Variants in KCNQ5 observed in about 807,000 individuals in gnomAD.
KCNQ5 encodes potassium voltage-gated channel subfamily KQT member 5.
In KCNQ5, 30 loss-of-function variants were observed where a neutral mutation model predicts 98.2. The observed-to-expected ratio is 0.31, with a 90% confidence interval of 0.23 to 0.41. KCNQ5 has a LOEUF of 0.41. Among genes scored for constraint, KCNQ5 ranks in the 10% least tolerant of loss-of-function variants. The pLI, the probability that KCNQ5 is intolerant of heterozygous loss-of-function variation, is 1.00. For synonymous variants in KCNQ5, 458 were observed against 449.4 expected (o/e 1.02, Z -0.24); for missense variants, 835 against 1,182.5 (o/e 0.71, Z 4.31).
chr6:72,757,066 G>A (rs1358455781), intron 1 of KCNQ5, among the ~76,000 whole-genome samples: 3 of 151,994 alleles, frequency 2.0e-5, no homozygotes, highest in African/African-American at 4.8e-5. Flanking sequence ...TGATGCCCAC[G>A]AAATAATTTC....
chr6:73,159,173 A>C (rs988633818), intron 10 of KCNQ5, among the ~76,000 whole-genome samples: 1 of 152,260 alleles, frequency 6.6e-6, no homozygotes, highest in African/African-American at 2.4e-5. Flanking sequence ...GTCATAAAAC[A>C]GAATGAGATC....
At chr6:72,802,612 C>T (rs1774720272) in intron 1 of KCNQ5, among the ~76,000 whole-genome samples, 1 of 152,092 alleles carries the variant, frequency 6.6e-6, no homozygotes, top group African/African-American at 2.4e-5. Flanking sequence ...ATTTTGGTAA[C>T]ATAGATCGTA....
At chr6:73,057,354 T>A (rs969242196) in intron 3 of KCNQ5, among the ~76,000 whole-genome samples, 3 of 150,508 alleles carry the variant, frequency 2.0e-5, no homozygotes, top group Non-Finnish European at 4.4e-5. Flanking sequence ...GGGGGAGGGA[T>A]AGCATTAGGA....
chr6:72,735,768 C>T (rs6923028), intron 1 of KCNQ5, among the ~76,000 whole-genome samples: 1 of 151,390 alleles, frequency 6.6e-6, no homozygotes, highest in East Asian at 1.9e-4. Context: ...TAAATGTAGT[C>T]ATTTTAGATG....
In KCNQ5 at chr6:73,198,457, G is replaced by A. The variant is rs971346928; in HGVS notation, c.*3043G>A. The stretch of plus-strand genomic sequence containing the variant: ...TTGCAAGTAAAATAAGTCTACTAGA[G>A]AGGAGGAAATCAGGCACAAATTGAC... On this transcript the variant is annotated 3_prime_UTR_variant, in exon 14 of 14. Transcript: ENST00000370398. 2.0e-5 allele frequency: 3 copies of A among 152,186 alleles called. No homozygotes were observed. Among genetic ancestry groups the A allele is most frequent in the African/African-American group, 7.2e-5 (3 of 41,434 alleles). The allele number at this position is 152,186 out of a possible 1,614,324, so 9.4% of individuals were successfully genotyped here. A position where few individuals can be genotyped will look rare whatever the true frequency, so the allele number is the denominator to read the frequency against.
At chr6:73,055,260 C>T (rs1772427562) in intron 3 of KCNQ5, 6 of 1,315,108 alleles carry the variant, frequency 4.6e-6, no homozygotes, top group Non-Finnish European at 6.6e-6. Flanking sequence ...TGCTTCACCT[C>T]ATTGCAGAAG....
chr6:72,643,173 C>T (rs539728942), intron 1 of KCNQ5, among the ~76,000 whole-genome samples: 27 of 152,028 alleles, frequency 1.8e-4, no homozygotes, highest in Non-Finnish European at 3.5e-4. Context: ...GGCTTAGTAC[C>T]TGGGTAACAA....
chr6:73,101,567 C>G (rs1774775083), intron 5 of KCNQ5, among the ~76,000 whole-genome samples: 1 of 151,992 alleles, frequency 6.6e-6, no homozygotes, highest in African/African-American at 2.4e-5. Flanking sequence ...TTGCAGAATA[C>G]AAAATAAAAT....
At chr6:73,169,243 G>T (rs564714947) in intron 10 of KCNQ5, among the ~76,000 whole-genome samples, 1 of 152,234 alleles carries the variant, frequency 6.6e-6, no homozygotes, top group African/African-American at 2.4e-5. Context: ...CTCTTTCCTG[G>T]CTGCCTGTAT....
At chr6:72,665,359 AAT>A (rs1174413360) in intron 1 of KCNQ5, among the ~76,000 whole-genome samples, 1 of 151,562 alleles carries the variant, frequency 6.6e-6, no homozygotes, top group Middle Eastern at 3.2e-3. Flanking sequence ...AAAAAAAAAA[AAT>A]CTCAGTTTTA....
intron 1 of KCNQ5, among the ~76,000 whole-genome samples, chr6:72,930,897 TG>T (rs533018605): frequency 1.3e-5 from 2 of 152,308 alleles, no homozygotes; most frequent in South Asian, 4.1e-4. Context: ...AAAAGACACT[TG>T]GGAATCAATG....
intron 1 of KCNQ5, among the ~76,000 whole-genome samples, chr6:72,755,284 C>T (rs768064151): frequency 1.4e-4 from 21 of 151,918 alleles, no homozygotes; most frequent in Middle Eastern, 3.5e-3. Context: ...GTTGGGACTT[C>T]CTTTAATTTA....
At chr6:73,111,450 G>A (rs755915115) in intron 7 of KCNQ5, 47 bp downstream of exon 7, 1 of 1,203,168 alleles carries the variant, frequency 8.3e-7, no homozygotes, top group South Asian at 1.3e-5. Flanking sequence ...TGTCCATAGT[G>A]CTTGATGGGT....
At chr6:72,899,071 T>C (rs1779371892) in intron 1 of KCNQ5, among the ~76,000 whole-genome samples, 1 of 152,228 alleles carries the variant, frequency 6.6e-6, no homozygotes, top group Non-Finnish European at 1.5e-5. Flanking sequence ...AAATTCTGTA[T>C]ATTAGACCTT....
chr6:73,097,356 T>A (rs1774556097), intron 5 of KCNQ5, among the ~76,000 whole-genome samples: 1 of 151,878 alleles, frequency 6.6e-6, no homozygotes. Context: ...TTGCAGATCA[T>A]CTCATGAGAT....
At chr6:73,089,322 G>A (rs1200599736) in intron 5 of KCNQ5, among the ~76,000 whole-genome samples, 2 of 152,186 alleles carry the variant, frequency 1.3e-5, no homozygotes, top group African/African-American at 4.8e-5. Flanking sequence ...AGTTGGTAGG[G>A]AAGTAGCTTT....
chr6:73,025,202 T>C (rs1770818701), intron 2 of KCNQ5, among the ~76,000 whole-genome samples: 3 of 152,228 alleles, frequency 2.0e-5, no homozygotes, highest in South Asian at 2.1e-4. Context: ...CAGACATTTG[T>C]CAAAATTGGA....
chr6:73,020,073 C>T lies in KCNQ5; in HGVS notation c.489+16075C>T, dbSNP rs868179724. On this transcript the variant is annotated intron_variant, in intron 2 of 13. Transcript: ENST00000370398. ...AGATGTGTGGGGGTTTTTCCCTACACGCAAAGCAAGCGATCAGTTTTAGAG... is the reference window on the plus strand; with the variant it reads ...AGATGTGTGGGGGTTTTTCCCTACATGCAAAGCAAGCGATCAGTTTTAGAG... Among the ~76,000 whole-genome samples the T allele has an allele frequency of 6.0e-4, 91 of 152,096 alleles. 1 individual carries two copies. The highest frequency in any genetic ancestry group is 2.0e-3 in the African/African-American group (84 of 41,422).
At chr6:72,926,097 T>A (rs1227157696) in intron 1 of KCNQ5, among the ~76,000 whole-genome samples, 1 of 152,160 alleles carries the variant, frequency 6.6e-6, no homozygotes, top group Non-Finnish European at 1.5e-5. Flanking sequence ...TCTCCTCAAC[T>A]GTCAAGAGGT....
Sources: allele counts gnomAD v4.1 joint callset (sites outside exome capture counted in the v4.1 genomes callset), GRCh38; gene constraint gnomAD v4.1.1; transcripts MANE v1.5; gene names NCBI Gene and HGNC (gene_info 2026-07-23, HGNC 2026-07-21).